Variants in FSD1L observed in about 807,000 individuals in gnomAD.
FSD1L encodes the protein fibronectin type III and SPRY domain containing 1 like, also known as FSD1-like protein.
A neutral mutation model predicts 71.6 loss-of-function variants in FSD1L; 45 were observed. That is an observed-to-expected ratio of 0.63 (90% CI 0.49 to 0.81). The LOEUF is 0.81. FSD1L is among the 30% of genes least tolerant of loss of function. The pLI, the probability that FSD1L is intolerant of heterozygous loss-of-function variation, is 0.00. For synonymous variants in FSD1L, 197 were observed against 207.2 expected, an observed-to-expected ratio of 0.95 and a Z score of 0.42; for missense variants, 561 against 618.1, an observed-to-expected ratio of 0.91 and a Z score of 0.98.
At chr9:105,454,545 A>C (rs909045283) in intron 1 of FSD1L, among the ~76,000 whole-genome samples, 2 of 152,212 alleles carry the variant, frequency 1.3e-5, no homozygotes, top group Non-Finnish European at 2.9e-5. Flanking sequence ...AAGGGTTGTT[A>C]GTTTATACTA....
chr9:105,548,122 GTT>G lies in FSD1L; in HGVS notation c.*1640_*1641del, dbSNP rs1837111276. 1 of 150,300 alleles carries G rather than the reference GTT, an allele frequency of 6.7e-6. No individual in the cohort carries two copies. Among genetic ancestry groups the G allele is most frequent in the African/African-American group, 2.5e-5 (1 of 39,760 alleles). The allele number at this position is 150,300 out of a possible 1,614,324, so 9.3% of individuals were successfully genotyped here. ...TATCTGCACTATTATCTGATGACATGTTGGTAATTTTAAAGACTGCAAGGCAG... is the reference window on the plus strand; with the variant it reads ...TATCTGCACTATTATCTGATGACATGGGTAATTTTAAAGACTGCAAGGCAG... On this transcript the variant is annotated 3_prime_UTR_variant, in exon 14 of 14. Coordinates refer to ENST00000481272, the MANE Select transcript of FSD1L (RefSeq NM_001145313.3).
chr9:105,505,775 T>G (rs1053752339), intron 7 of FSD1L, among the ~76,000 whole-genome samples: 1 of 152,230 alleles, frequency 6.6e-6, no homozygotes, highest in African/African-American at 2.4e-5. Flanking sequence ...AATGTTTAAA[T>G]CTGGTAGCTG....
intron 5 of FSD1L, 74 bp downstream of exon 5, chr9:105,472,079 G>C: frequency 3.0e-6 from 4 of 1,354,938 alleles, no homozygotes; most frequent in Non-Finnish European, 3.8e-6. Context: ...TTTTTCTTTA[G>C]TTTTGGATTT....
intron 7 of FSD1L, among the ~76,000 whole-genome samples, chr9:105,505,751 T>C (rs1245590480): frequency 6.6e-6 from 1 of 152,262 alleles, no homozygotes; most frequent in Non-Finnish European, 1.5e-5. Context: ...TTGAATTCTT[T>C]TCTTTAGCAG....
intron 7 of FSD1L, among the ~76,000 whole-genome samples, chr9:105,497,873 T>A (rs1200838408): frequency 6.6e-6 from 1 of 152,154 alleles, no homozygotes; most frequent in Non-Finnish European, 1.5e-5. Context: ...AGATAGAGTC[T>A]TGCTCAGTTG....
At chr9:105,499,964 T>C (rs1833667099) in intron 7 of FSD1L, among the ~76,000 whole-genome samples, 1 of 152,220 alleles carries the variant, frequency 6.6e-6, no homozygotes, top group Non-Finnish European at 1.5e-5. Flanking sequence ...AGCTATTAAG[T>C]CCATTAAATT....
At chr9:105,492,940 T>G (rs952734721) in intron 7 of FSD1L, among the ~76,000 whole-genome samples, 4 of 152,160 alleles carry the variant, frequency 2.6e-5, no homozygotes, top group Admixed American at 1.3e-4. Context: ...AATTTTGGAA[T>G]AGGTGTGGTG....
intron 9 of FSD1L, among the ~76,000 whole-genome samples, chr9:105,510,941 T>C (rs1443786079): frequency 6.6e-6 from 1 of 151,986 alleles, no homozygotes; most frequent in African/African-American, 2.4e-5. Context: ...TATCTAGTTA[T>C]ATTATAGGAC....
At chr9:105,469,378 A>AT (rs34262173) in intron 4 of FSD1L, among the ~76,000 whole-genome samples, 103,192 of 151,836 alleles carry the variant, frequency 0.68, 35,405 homozygotes, top group African/African-American at 0.76. Flanking sequence ...ACTATTTTAC[A>AT]TCCTACCAGC....
chr9:105,539,530 T>C (rs1482772311), intron 13 of FSD1L, among the ~76,000 whole-genome samples, 179 bp downstream of exon 13: 1 of 152,156 alleles, frequency 6.6e-6, no homozygotes, highest in Non-Finnish European at 1.5e-5. Flanking sequence ...ATATTTTTGG[T>C]ATATTTTATT....
At chr9:105,528,258 A>G (rs1397998704) in intron 10 of FSD1L, among the ~76,000 whole-genome samples, 5 of 152,188 alleles carry the variant, frequency 3.3e-5, no homozygotes, top group Non-Finnish European at 5.9e-5. Context: ...TCAAGCTACC[A>G]TTGACTTTCT....
At chr9:105,546,003 A>C (rs1589123040) in intron 13 of FSD1L, among the ~76,000 whole-genome samples, 1 of 151,996 alleles carries the variant, frequency 6.6e-6, no homozygotes, top group East Asian at 1.9e-4. Flanking sequence ...GTGGGAAGTA[A>C]GTTGGTGCTT....
chr9:105,446,711 C>CT (rs59960095), upstream of FSD1L, among the ~76,000 whole-genome samples: 289 of 139,026 alleles, frequency 2.1e-3, 1 homozygote, highest in African/African-American at 2.8e-3. Context: ...AGCACGTTAA[C>CT]TTTTTTTTTT....
chr9:105,529,893 C>T (rs931544332), intron 10 of FSD1L, among the ~76,000 whole-genome samples: 5 of 152,148 alleles, frequency 3.3e-5, no homozygotes, highest in Admixed American at 2.0e-4. Flanking sequence ...GTATTTAGGC[C>T]GGTTCTTGAG....
chr9:105,465,404 T>G (rs1830991570), intron 3 of FSD1L, among the ~76,000 whole-genome samples: 1 of 152,194 alleles, frequency 6.6e-6, no homozygotes, highest in Non-Finnish European at 1.5e-5. Flanking sequence ...AATCCATTTT[T>G]ACAAATTCAA....
intron 9 of FSD1L, among the ~76,000 whole-genome samples, chr9:105,510,406 G>C (rs1052388420): frequency 1.3e-5 from 2 of 152,170 alleles, no homozygotes; most frequent in Admixed American, 1.3e-4. Context: ...GAGAGTAAGA[G>C]CTGCAGAGGA....
chr9:105,520,397 G>A (rs2068266), intron 10 of FSD1L: 9 of 1,152,400 alleles, frequency 7.8e-6, no homozygotes, highest in South Asian at 3.8e-5. Context: ...ACAGTTTTTC[G>A]ACAACATTTT....
At chr9:105,518,362 T>G (rs1268357911) in intron 10 of FSD1L, among the ~76,000 whole-genome samples, 2 of 152,232 alleles carry the variant, frequency 1.3e-5, no homozygotes, top group African/African-American at 2.4e-5. Context: ...ATATACATTC[T>G]TCTCAGCACC....
intron 3 of FSD1L, 113 bp downstream of exon 3, chr9:105,464,444 C>T (rs1370095463): frequency 4.0e-6 from 2 of 502,212 alleles, no homozygotes; most frequent in Non-Finnish European, 7.1e-6. Context: ...GAGAGCAGAG[C>T]TTTAAAATAG....
Sources: gnomAD v4.1 joint callset for allele counts (sites outside exome capture counted in the v4.1 genomes callset) on GRCh38, gnomAD v4.1.1 for gene constraint, MANE v1.5 for transcripts, NCBI Gene and HGNC (gene_info 2026-07-23, HGNC 2026-07-21) for gene names.